KCNK2: variants seen among roughly 807,000 people sequenced by gnomAD.
KCNK2 encodes the protein potassium two pore domain channel subfamily K member 2.
KCNK2 carries 21 observed loss-of-function variants against 40.5 expected under a neutral mutation model. The ratio of observed to expected loss-of-function variants is 0.52; its 90% CI spans 0.37 to 0.75. The LOEUF is 0.75. Among genes scored for constraint, KCNK2 ranks in the 30% least tolerant of loss-of-function variants. KCNK2 has a pLI of 0.00. For synonymous variants in KCNK2, 191 were observed against 202.2 expected (o/e 0.94, Z 0.47); for missense variants, 399 against 531.6 (o/e 0.75, Z 2.45).
At chr1:215,142,394 A>T (rs1214790143) in intron 3 of KCNK2, among the ~76,000 whole-genome samples, 1 of 152,152 alleles carries the variant, frequency 6.6e-6, no homozygotes, top group Non-Finnish European at 1.5e-5. Flanking sequence ...TAGAAGTATT[A>T]TATTAAAATA....
At position 215,209,880 on chromosome 1, in the gene KCNK2, TAGTC is replaced by T. The variant is rs1050253590; in HGVS notation, c.963+14791_963+14794del. On this transcript the variant is annotated intron_variant, in intron 6 of 6. Transcript: ENST00000444842. The stretch of plus-strand genomic sequence containing the variant: ...TAATATATATAAAATATGTACATAT[TAGTC>T]AGACTATACTGACTTTTGTTGAACT... 6.3e-4 allele frequency among the ~76,000 whole-genome samples: 50 copies of T among 79,344 alleles called. 1 individual carries two copies. Among genetic ancestry groups the T allele is most frequent in the African/African-American group, 1.2e-3 (24 of 20,024 alleles). The allele number at this position is 79,344 out of a possible 152,430, so 52.1% of individuals were successfully genotyped here. A position where few individuals can be genotyped will look rare whatever the true frequency, so the allele number is the denominator to read the frequency against.
intron 2 of KCNK2, among the ~76,000 whole-genome samples, chr1:215,119,845 A>C (rs1661103104): frequency 6.6e-6 from 1 of 152,204 alleles, no homozygotes; most frequent in Non-Finnish European, 1.5e-5. Context: ...TGACACACCC[A>C]GAAACAGTTC....
At chr1:215,222,077 A>G (rs1666201273) in intron 6 of KCNK2, among the ~76,000 whole-genome samples, 1 of 152,100 alleles carries the variant, frequency 6.6e-6, no homozygotes, top group Admixed American at 6.5e-5. Context: ...ACACTTTTAA[A>G]TGACCAGATC....
At chr1:215,107,755 G>T (rs1023496677) in intron 2 of KCNK2, among the ~76,000 whole-genome samples, 29 of 151,784 alleles carry the variant, frequency 1.9e-4, no homozygotes, top group African/African-American at 6.8e-4. Context: ...TCTCTTATCA[G>T]GTATAGTCAG....
intron 1 of KCNK2, among the ~76,000 whole-genome samples, chr1:215,069,140 A>G (rs1658662123): frequency 6.6e-6 from 1 of 152,226 alleles, no homozygotes; most frequent in Non-Finnish European, 1.5e-5. Context: ...GCATCCTCAC[A>G]TCTTTAACAG....
chr1:215,010,989 T>A (rs1656363623), intron 1 of KCNK2, among the ~76,000 whole-genome samples: 1 of 122,306 alleles, frequency 8.2e-6, no homozygotes, highest in Non-Finnish European at 1.6e-5. Flanking sequence ...TAATAAAATA[T>A]ACTTATATAT....
chr1:215,036,221 G>A (rs914705284), intron 1 of KCNK2, among the ~76,000 whole-genome samples: 7 of 151,652 alleles, frequency 4.6e-5, no homozygotes, highest in Admixed American at 2.6e-4. Context: ...AGTGTGTATG[G>A]TGAGATAAAC....
At chr1:215,019,408 C>G (rs1029342720) in intron 1 of KCNK2, among the ~76,000 whole-genome samples, 1 of 152,186 alleles carries the variant, frequency 6.6e-6, no homozygotes, top group Non-Finnish European at 1.5e-5. Context: ...CCTAGAGAAA[C>G]ACCATGAGCA....
chr1:215,124,409 A>G lies in KCNK2; in HGVS notation c.358-224A>G, dbSNP rs1220001464. On this transcript the variant is annotated intron_variant, in intron 2 of 6. Coordinates refer to ENST00000444842, the MANE Select transcript of KCNK2 (RefSeq NM_001017425.3). ...ATGTTGGTGCAATATTATAACCTTC[A>G]TGCCAATCAATTCACTTGATATCAC... Among the ~76,000 whole-genome samples, 4 of 152,170 alleles carry G rather than the reference A, an allele frequency of 2.6e-5. No homozygotes were observed. The East Asian group carries it at 7.7e-4, about 29-fold the overall frequency.
intron 3 of KCNK2, among the ~76,000 whole-genome samples, chr1:215,138,855 T>G (rs1251015626): frequency 6.6e-6 from 1 of 152,202 alleles, no homozygotes; most frequent in African/African-American, 2.4e-5. Flanking sequence ...TTATAAATGT[T>G]TGCTGAAAGT....
At chr1:215,022,422 T>A (rs2102479230) in intron 1 of KCNK2, among the ~76,000 whole-genome samples, 1 of 151,804 alleles carries the variant, frequency 6.6e-6, no homozygotes, top group South Asian at 2.1e-4. Context: ...TCTTCAAATC[T>A]GCTTGGCAAT....
At chr1:215,174,849 A>G (rs1319936662) in intron 5 of KCNK2, among the ~76,000 whole-genome samples, 1 of 152,170 alleles carries the variant, frequency 6.6e-6, no homozygotes, top group African/African-American at 2.4e-5. Flanking sequence ...GGTGCTTATC[A>G]GCTTAAGGAA....
intron 6 of KCNK2, among the ~76,000 whole-genome samples, chr1:215,205,836 T>C (rs181368459): frequency 2.3e-3 from 351 of 152,310 alleles, no homozygotes; most frequent in Non-Finnish European, 3.8e-3. Context: ...ACAAGGATAA[T>C]ATTATTATTT....
At chr1:215,079,569 A>G (rs1205547711), upstream of KCNK2, among the ~76,000 whole-genome samples, 2 of 152,218 alleles carry the variant, frequency 1.3e-5, no homozygotes, top group African/African-American at 2.4e-5. Flanking sequence ...CAGAACAGCA[A>G]GGGGAACGTC....
intron 6 of KCNK2, among the ~76,000 whole-genome samples, chr1:215,195,510 T>A (rs1351816399): frequency 1.3e-5 from 2 of 152,110 alleles, no homozygotes; most frequent in Non-Finnish European, 2.9e-5. Flanking sequence ...GCTTTTTACC[T>A]TTAACTTATT....
At chr1:215,047,102 A>G (rs879888710) in intron 1 of KCNK2, among the ~76,000 whole-genome samples, 2 of 152,144 alleles carry the variant, frequency 1.3e-5, no homozygotes, top group African/African-American at 2.4e-5. Context: ...GCATCATAAT[A>G]GGAAATTATT....
Position 215,022,013 on chromosome 1 carries a change from C to T in KCNK2, c.34+16058C>T, listed in dbSNP as rs558607576. ...GGCATTTTGGCTCAACTGTATTGTA[C>T]CACCAGTTTCCTTGGTTCTCCAGCT... On this transcript the variant is annotated intron_variant, in intron 1 of 6. Transcript: ENST00000391895. Among the ~76,000 whole-genome samples, 56 of 147,940 alleles carry T rather than the reference C, an allele frequency of 3.8e-4. No homozygotes were observed. The South Asian group carries it at 0.012, about 31-fold the overall frequency.
chr1:215,101,501 G>A (rs1379986006), intron 2 of KCNK2, among the ~76,000 whole-genome samples: 1 of 151,962 alleles, frequency 6.6e-6, no homozygotes, highest in Non-Finnish European at 1.5e-5. Flanking sequence ...GGTCTGATGT[G>A]ATCGGGCCAT....
intron 2 of KCNK2, among the ~76,000 whole-genome samples, chr1:215,107,961 C>A (rs936139624): frequency 3.3e-5 from 5 of 152,154 alleles, no homozygotes; most frequent in Non-Finnish European, 7.4e-5. Flanking sequence ...GAACCAGTTT[C>A]ATGGAAGACA....
Sources: gnomAD v4.1 joint callset for allele counts (sites outside exome capture counted in the v4.1 genomes callset) on GRCh38, gnomAD v4.1.1 for gene constraint, MANE v1.5 for transcripts, NCBI Gene and HGNC (gene_info 2026-07-23, HGNC 2026-07-21) for gene names.